Variants in MEGF10 observed in about 807,000 individuals in gnomAD.
MEGF10 encodes the protein multiple EGF like domains 10.
Under a neutral mutation model 147.5 loss-of-function variants are expected in MEGF10, and 86 were observed. The ratio of observed to expected loss-of-function variants is 0.58; its 90% CI spans 0.49 to 0.70. The LOEUF is 0.70. Among genes scored for constraint, MEGF10 ranks in the 30% least tolerant of loss-of-function variants. MEGF10 has a pLI of 0.00. For missense variants in MEGF10, 1,329 were observed against 1,487.3 expected (o/e 0.89, Z 1.75); for synonymous variants, 478 against 525.5 (o/e 0.91, Z 1.24).
chr5:127,385,152 T>A (rs1033194847), intron 5 of MEGF10, among the ~76,000 whole-genome samples: 5 of 152,206 alleles, frequency 3.3e-5, no homozygotes. Context: ...TATAAAGTAT[T>A]AAATTTTCTT....
At chr5:127,357,085 C>G (rs1762303770) in intron 4 of MEGF10, among the ~76,000 whole-genome samples, 1 of 152,064 alleles carries the variant, frequency 6.6e-6, no homozygotes, top group Non-Finnish European at 1.5e-5. Flanking sequence ...CTCTTTGGAC[C>G]TGTAATTTCT....
Position 127,438,470 on chromosome 5 carries a change from C to T in MEGF10, c.2136C>T (p.Cys712=). ...CACCTGCCCACTGGGGCCCAAACTG[C>T]ATCCACACGTGCAACTGCCATAATG... ...PCPPAHWGPN[C]IHTCNCHNGA... is the part of the protein sequence containing the mutation. The change falls in exon 17 of 25, where the codon TGC becomes TGT. Residue 712 remains cysteine, a synonymous_variant. Coordinates refer to ENST00000503335, the MANE Select transcript of MEGF10 (RefSeq NM_001256545.2). The T allele has an allele frequency of 6.2e-7, 1 of 1,614,144 alleles. No individual in the cohort carries two copies. Among genetic ancestry groups the T allele is most frequent in the Non-Finnish European group, 8.5e-7 (1 of 1,179,994 alleles).
chr5:127,428,021 G>A (rs894859861), intron 13 of MEGF10, among the ~76,000 whole-genome samples: 3 of 151,996 alleles, frequency 2.0e-5, no homozygotes, highest in Non-Finnish European at 4.4e-5. Context: ...GTGAAGGGAG[G>A]TGCTCATTTC....
intron 4 of MEGF10, among the ~76,000 whole-genome samples, chr5:127,369,480 T>TA (rs1008183211): frequency 5.9e-5 from 9 of 152,022 alleles, no homozygotes; most frequent in African/African-American, 9.7e-5. Context: ...ATGTATTATG[T>TA]AAAAAAAATC....
intron 4 of MEGF10, among the ~76,000 whole-genome samples, chr5:127,356,766 A>G (rs1762294315): frequency 1.3e-5 from 2 of 152,238 alleles, no homozygotes; most frequent in South Asian, 4.2e-4. Flanking sequence ...GATATGGAAT[A>G]CTCATCCTGC....
chr5:127,247,312 A>AAGAGAGAGAG, the MEGF10 span, among the ~76,000 whole-genome samples: 1 of 70,436 alleles, frequency 1.4e-5, no homozygotes. Flanking sequence ...GAGCGAGAGA[A>AAGAGAGAGAG]AGAGAGAGAA....
intron 1 of MEGF10, among the ~76,000 whole-genome samples, chr5:127,302,729 T>C (rs556317792): frequency 1.4e-3 from 214 of 152,278 alleles, no homozygotes; most frequent in African/African-American, 5.0e-3. Context: ...TGTTGCATAC[T>C]GAGGAGAATG....
chr5:127,303,335 CAAAAAA>C (rs1174955274), intron 1 of MEGF10, among the ~76,000 whole-genome samples: 1 of 50,624 alleles, frequency 2.0e-5, no homozygotes. Flanking sequence ...GACTCCATGT[CAAAAAA>C]AAAAAAAAAA....
intron 2 of MEGF10, among the ~76,000 whole-genome samples, chr5:127,337,957 GA>G (rs1341243779): frequency 6.6e-6 from 1 of 152,044 alleles, no homozygotes; most frequent in Non-Finnish European, 1.5e-5. Flanking sequence ...TCCAAAGAAT[GA>G]AATACACAAA....
upstream of MEGF10, among the ~76,000 whole-genome samples, chr5:127,288,648 A>C (rs1456446109): frequency 6.6e-6 from 1 of 152,186 alleles, no homozygotes; most frequent in African/African-American, 2.4e-5. Flanking sequence ...AGAATGTAAA[A>C]TGTTTTCCAC....
At chr5:127,235,985 T>C in the MEGF10 span, among the ~76,000 whole-genome samples, 1 of 152,120 alleles carries the variant, frequency 6.6e-6, no homozygotes, top group Non-Finnish European at 1.5e-5. Context: ...AAACTTTTTT[T>C]TTTTTTGAGA....
rs1315112477 is a variant in MEGF10, at chr5:127,433,451, C to T, written c.1782C>T (p.Ser594=). ...PCYCKNGASC[S]PDDGICECAP... is the part of the protein sequence containing the mutation. ...ACTGTAAAAATGGGGCTTCATGCTC[C>T]CCTGATGATGGCATCTGCGAGTGTG... Residue 594 remains serine (S), a synonymous_variant, in exon 14 of 25, where the codon TCC becomes TCT. Coordinates refer to ENST00000503335, the MANE Select transcript of MEGF10 (RefSeq NM_001256545.2). 2 of 1,613,978 alleles carry T rather than the reference C, an allele frequency of 1.2e-6. No homozygotes were observed. The highest frequency in any genetic ancestry group is 1.7e-5 in the Admixed American group (1 of 59,994).
intron 16 of MEGF10, 129 bp downstream of exon 16, chr5:127,435,618 C>G (rs536721643): frequency 1.1e-6 from 1 of 896,008 alleles, no homozygotes; most frequent in Admixed American, 3.9e-5. Context: ...ACACATTCTA[C>G]TTTAAATTCT....
At chr5:127,426,001 A>G (rs1765197707) in intron 13 of MEGF10, among the ~76,000 whole-genome samples, 2 of 152,216 alleles carry the variant, frequency 1.3e-5, no homozygotes, top group Admixed American at 1.3e-4. Flanking sequence ...TGATCAAATC[A>G]ACAAGATGGC....
the MEGF10 span, among the ~76,000 whole-genome samples, chr5:127,276,074 A>G: frequency 3.3e-5 from 5 of 152,218 alleles, no homozygotes; most frequent in Admixed American, 1.3e-4. Context: ...TCCCTTGTTT[A>G]CCATATTATA....
At chr5:127,247,540 T>G in the MEGF10 span, among the ~76,000 whole-genome samples, 2 of 151,848 alleles carry the variant, frequency 1.3e-5, no homozygotes, top group South Asian at 2.1e-4. Context: ...CTCATGAATT[T>G]GATTTATCTA....
chr5:127,233,885 T>C, the MEGF10 span, among the ~76,000 whole-genome samples: 2 of 152,204 alleles, frequency 1.3e-5, no homozygotes, highest in Non-Finnish European at 1.5e-5. Flanking sequence ...TAGGTGGGAA[T>C]CAACTTTTCA....
chr5:127,417,168 G>A (rs1000237596), intron 9 of MEGF10, among the ~76,000 whole-genome samples: 7 of 152,162 alleles, frequency 4.6e-5, no homozygotes, highest in Non-Finnish European at 7.3e-5. Flanking sequence ...GGGTCAATGC[G>A]GCTGCTGTTT....
At chr5:127,452,512 C>G (rs1385035750) in intron 22 of MEGF10, among the ~76,000 whole-genome samples, 3 of 152,170 alleles carry the variant, frequency 2.0e-5, no homozygotes, top group Non-Finnish European at 4.4e-5. Context: ...TCAGGATCAA[C>G]ATTTTGCTAC....
Sources: allele counts gnomAD v4.1 joint callset (sites outside exome capture counted in the v4.1 genomes callset), GRCh38; gene constraint gnomAD v4.1.1; transcripts MANE v1.5; gene names NCBI Gene and HGNC (gene_info 2026-07-23, HGNC 2026-07-21).